Variants in XKR6 observed in about 807,000 individuals in gnomAD.
The protein encoded by XKR6 is XK-related protein 6.
In XKR6, 22 loss-of-function variants were observed where a neutral mutation model predicts 56.7. That is an observed-to-expected ratio of 0.39 (90% CI 0.28 to 0.55). XKR6 has a LOEUF of 0.55. Among genes scored for constraint, XKR6 ranks in the 20% least tolerant of loss-of-function variants. XKR6 has a pLI of 0.66. For synonymous variants in XKR6, 524 were observed against 387.8 expected (o/e 1.35, Z -4.13); for missense variants, 852 against 889.0 (o/e 0.96, Z 0.53).
intron 1 of XKR6, among the ~76,000 whole-genome samples, chr8:11,146,044 C>T (rs1257217627): frequency 6.6e-6 from 1 of 151,684 alleles, no homozygotes; most frequent in Non-Finnish European, 1.5e-5. Flanking sequence ...TATTTATGGT[C>T]AATTGACTTT....
At chr8:10,899,970 A>G (rs1799989680) in intron 2 of XKR6, among the ~76,000 whole-genome samples, 1 of 152,216 alleles carries the variant, frequency 6.6e-6, no homozygotes, top group African/African-American at 2.4e-5. Context: ...GTGCTGTCAT[A>G]CAATCTCCGT....
chr8:11,073,474 C>A (rs891499260), intron 1 of XKR6, among the ~76,000 whole-genome samples: 3 of 152,162 alleles, frequency 2.0e-5, no homozygotes, highest in African/African-American at 7.2e-5. Flanking sequence ...TGTCAACAGT[C>A]CTGGGACAAT....
rs113750663 is a variant in XKR6, at chr8:11,166,234, T to C, written c.764+34342A>G. ...CTTCATTTTCCAGTGAAGATGTTAC[T>C]ATAAAGTTGTATATAAACCAAATCA... is the stretch of plus-strand genomic sequence containing the variant. On this transcript the variant is annotated intron_variant, in intron 1 of 2. Coordinates refer to ENST00000416569, the MANE Select transcript of XKR6 (RefSeq NM_173683.4). Among the ~76,000 whole-genome samples the C allele has an allele frequency of 6.5e-3, 996 of 152,336 alleles. 10 individuals carry two copies. The highest frequency in any genetic ancestry group is 0.023 in the African/African-American group (937 of 41,574).
chr8:11,037,721 G>C (rs897579004), intron 1 of XKR6, among the ~76,000 whole-genome samples: 39 of 152,198 alleles, frequency 2.6e-4, no homozygotes, highest in Non-Finnish European at 5.9e-5. Flanking sequence ...GGCTGGGCAT[G>C]GTGGCGTGCG....
chr8:11,154,529 G>A (rs1801418321), intron 1 of XKR6, among the ~76,000 whole-genome samples: 1 of 152,166 alleles, frequency 6.6e-6, no homozygotes, highest in Non-Finnish European at 1.5e-5. Context: ...AGCTTTCAGT[G>A]AGTTCTATGA....
chr8:10,982,188 T>C (rs1797750248), intron 1 of XKR6, among the ~76,000 whole-genome samples: 1 of 152,218 alleles, frequency 6.6e-6, no homozygotes, highest in Non-Finnish European at 1.5e-5. Context: ...GTAGGTGGCA[T>C]AATATGTGGC....
intron 1 of XKR6, among the ~76,000 whole-genome samples, chr8:11,016,152 C>T (rs1368713063): frequency 3.3e-5 from 5 of 152,210 alleles, no homozygotes; most frequent in Non-Finnish European, 7.3e-5. Context: ...GTGCAGCTCC[C>T]CTGGCACAGC....
chr8:11,059,470 C>T (rs894541523), intron 1 of XKR6, among the ~76,000 whole-genome samples: 1 of 152,142 alleles, frequency 6.6e-6, no homozygotes, highest in Non-Finnish European at 1.5e-5. Context: ...GAGAAGGAGG[C>T]CCCGCCCGAC....
At position 10,951,935 on chromosome 8, in the gene XKR6, A is replaced by G. The variant is rs371447364; in HGVS notation, c.765-27105T>C. Among the ~76,000 whole-genome samples, 396 of 152,268 alleles carry G rather than the reference A, an allele frequency of 2.6e-3. 3 individuals carry two copies. The highest frequency in any genetic ancestry group is 8.5e-3 in the African/African-American group (351 of 41,536). ...TGGGCTGAGTGGGGACGACAGGAGAACCAAGAGGCCACAGCCAGCCCCCTG... is the reference window on the plus strand; with the variant it reads ...TGGGCTGAGTGGGGACGACAGGAGAGCCAAGAGGCCACAGCCAGCCCCCTG... On this transcript the variant is annotated intron_variant, in intron 1 of 2. Coordinates refer to ENST00000416569, the MANE Select transcript of XKR6 (RefSeq NM_173683.4).
At chr8:10,929,553 G>C (rs554678214) in intron 1 of XKR6, among the ~76,000 whole-genome samples, 1 of 152,344 alleles carries the variant, frequency 6.6e-6, no homozygotes, top group South Asian at 2.1e-4. Flanking sequence ...CTGACAGTGG[G>C]GAAGAAAGGA....
At chr8:11,072,831 CT>C (rs1800168026) in intron 1 of XKR6, among the ~76,000 whole-genome samples, 1 of 151,658 alleles carries the variant, frequency 6.6e-6, no homozygotes, top group Admixed American at 6.6e-5. Flanking sequence ...GGGTGGATCA[CT>C]TGAGGTCAGG....
rs770313999 is a variant in XKR6 at position 11,079,111 on chromosome 8, G to A, written c.764+121465C>T. On this transcript the variant is annotated intron_variant, in intron 1 of 2. Transcript: ENST00000416569. ...AGGCTGTGCAGGAGAACAGAGTGCA[G>A]ATCCCTAGCCACCTGCTCCCAGGGA... Among the ~76,000 whole-genome samples the A allele has an allele frequency of 2.0e-5, 3 of 152,324 alleles. No individual in the cohort carries two copies. The East Asian group carries it at 5.8e-4, about 29-fold the overall frequency.
intron 1 of XKR6, among the ~76,000 whole-genome samples, chr8:10,967,060 C>G (rs1032899102): frequency 1.3e-5 from 2 of 152,114 alleles, no homozygotes; most frequent in Admixed American, 1.3e-4. Context: ...GAGGCTGCAC[C>G]CCTGCATCTG....
intron 1 of XKR6, among the ~76,000 whole-genome samples, chr8:10,964,920 C>T (rs1487726158): frequency 3.9e-5 from 6 of 152,236 alleles, no homozygotes; most frequent in Admixed American, 2.6e-4. Context: ...CGCTCCAGGG[C>T]GCTGTTAAAC....
chr8:11,152,263 G>C (rs1801305116), intron 1 of XKR6, among the ~76,000 whole-genome samples: 1 of 152,160 alleles, frequency 6.6e-6, no homozygotes, highest in South Asian at 2.1e-4. Context: ...AAGTATTTAA[G>C]GGCTCTTTGC....
At chr8:11,119,061 G>GCT (rs1563150177) in intron 1 of XKR6, among the ~76,000 whole-genome samples, 1 of 150,658 alleles carries the variant, frequency 6.6e-6, no homozygotes, top group Non-Finnish European at 1.5e-5. Flanking sequence ...TTCATTTCAT[G>GCT]ATGTACCCAG....
intron 1 of XKR6, among the ~76,000 whole-genome samples, chr8:11,191,650 T>G (rs1360074019): frequency 7.3e-6 from 1 of 137,930 alleles, no homozygotes; most frequent in African/African-American, 2.7e-5. Flanking sequence ...ACGCAAAATA[T>G]GAGCAGACAA....
chr8:10,962,347 A>G (rs1802089122), intron 1 of XKR6, among the ~76,000 whole-genome samples: 1 of 152,174 alleles, frequency 6.6e-6, no homozygotes, highest in Non-Finnish European at 1.5e-5. Flanking sequence ...CCTGACTCGT[A>G]GTCCCCATTT....
chr8:11,034,365 G>C (rs185338842), intron 1 of XKR6, among the ~76,000 whole-genome samples: 3 of 152,180 alleles, frequency 2.0e-5, no homozygotes, highest in South Asian at 2.1e-4. Context: ...CAGGCCGAGA[G>C]AGCATCATGG....
Sources: gnomAD v4.1 joint callset for allele counts (sites outside exome capture counted in the v4.1 genomes callset) on GRCh38, gnomAD v4.1.1 for gene constraint, MANE v1.5 for transcripts, NCBI Gene and HGNC (gene_info 2026-07-23, HGNC 2026-07-21) for gene names.